The following DNAH6 variants were observed in gnomAD, a reference collection of about 807,000 sequenced individuals.
DNAH6 encodes the protein axonemal beta dynein heavy chain 6.
In DNAH6, 340 loss-of-function variants were observed where a neutral mutation model predicts 491.4. That is an observed-to-expected ratio of 0.69 (90% CI 0.63 to 0.76). DNAH6 has a LOEUF of 0.76. Ranked by LOEUF, DNAH6 falls within the 30% of genes least tolerant of loss-of-function variation. The probability of loss-of-function intolerance (pLI) is 0.00; values close to 1 mark genes in which losing one functional copy is unlikely to be tolerated. For synonymous variants in DNAH6, 1,603 were observed against 1,686.1 expected (o/e 0.95, Z 1.21); for missense variants, 4,443 against 4,972.2 (o/e 0.89, Z 3.20).
At chr2:84,750,742 A>T (rs1043071086) in intron 63 of DNAH6, 22 of 152,172 alleles carry the variant, frequency 1.4e-4, no homozygotes, top group African/African-American at 5.3e-4. Flanking sequence ...TCTTAGTCAC[A>T]TCCTTGAACA....
At chr2:84,777,743 C>T (rs528365535) in intron 64 of DNAH6, 22 of 862,322 alleles carry the variant, frequency 2.6e-5, no homozygotes, top group Admixed American at 5.1e-5. Context: ...GTAACGGAAT[C>T]GGGCTGAATC....
At chr2:84,729,689 C>G (rs1025693984) in intron 61 of DNAH6, among the ~76,000 whole-genome samples, 5 of 152,164 alleles carry the variant, frequency 3.3e-5, no homozygotes, top group African/African-American at 4.8e-5. Context: ...TTACCATCAT[C>G]AGAAACCTCT....
chr2:84,727,713 A>G lies in DNAH6; in HGVS notation c.10017A>G (p.Leu3339=), dbSNP rs1354885693. Residue 3339 remains leucine, a synonymous_variant, in exon 61 of 77, where the codon CTA becomes CTG. Transcript: ENST00000389394. The part of the protein sequence containing the change: ...TIETSVKTEN[L]QQRLDVLLEQ... ...AAACTTCTGTAAAGACAGAAAATCT[A>G]CAACAGCGCCTGGACGTACTACTAG... 1.5e-5 allele frequency: 23 copies of G among 1,551,490 alleles called. No individual in the cohort carries two copies. The highest frequency in any genetic ancestry group is 2.7e-5 in the African/African-American group (2 of 73,062).
intron 73 of DNAH6, 29 bp from the exon 74 acceptor site, chr2:84,813,029 C>T (rs747753761): frequency 1.9e-5 from 29 of 1,524,112 alleles, no homozygotes; most frequent in South Asian, 9.6e-5. Flanking sequence ...CCAGAAATAA[C>T]GTTTATTATG....
chr2:84,619,938 G>T, intron 24 of DNAH6, 34 bp downstream of exon 24: 1 of 1,506,968 alleles, frequency 6.6e-7, no homozygotes, highest in Non-Finnish European at 9.0e-7. Context: ...CTTTATTGAT[G>T]AACTTTGCTA....
At chr2:84,615,263 T>G (rs1354444767) in intron 22 of DNAH6, among the ~76,000 whole-genome samples, 13 of 152,180 alleles carry the variant, frequency 8.5e-5, no homozygotes, top group Admixed American at 8.5e-4. Flanking sequence ...GCTTGCCAGT[T>G]ATCCCAGCAC....
chr2:84,792,206 T>G (rs986015425), intron 68 of DNAH6, among the ~76,000 whole-genome samples: 2 of 152,112 alleles, frequency 1.3e-5, no homozygotes, highest in African/African-American at 2.4e-5. Context: ...AAGAGAATGG[T>G]GGGTATCACA....
At chr2:84,768,536 T>C (rs1328302648) in intron 64 of DNAH6, among the ~76,000 whole-genome samples, 2 of 151,994 alleles carry the variant, frequency 1.3e-5, no homozygotes, top group Non-Finnish European at 2.9e-5. Flanking sequence ...CATTTCTGAA[T>C]AGTCCAATAA....
chr2:84,626,609 T>C (rs1208497613), intron 29 of DNAH6, among the ~76,000 whole-genome samples: 1 of 152,196 alleles, frequency 6.6e-6, no homozygotes, highest in African/African-American at 2.4e-5. Context: ...TTTTTCTCTT[T>C]TTTTATTTTT....
intron 17 of DNAH6, among the ~76,000 whole-genome samples, chr2:84,594,518 T>C (rs775291572): frequency 6.6e-6 from 1 of 152,218 alleles, no homozygotes; most frequent in Non-Finnish European, 1.5e-5. Context: ...GGATCTTCCT[T>C]TGAGAGCTCA....
chr2:84,573,468 A>G lies in DNAH6; in HGVS notation c.1805A>G (p.Glu602Gly), dbSNP rs1682098699. Residue 602 changes from glutamate to glycine, a missense_variant and splice_region_variant, in exon 12 of 77, where the codon GAA (glutamate) becomes GGA (glycine). By Grantham distance (98) the Glu-to-Gly change is moderately conservative. Coordinates refer to ENST00000389394, the MANE Select transcript of DNAH6 (RefSeq NM_001370.2). ...TGTCTGCTTATTTATAACATTTAGGAAACCATTCAGGCCGCATTTGAATCA... is the reference window on the plus strand; with the variant it reads ...TGTCTGCTTATTTATAACATTTAGGGAACCATTCAGGCCGCATTTGAATCA... ...NFHTIISQIK[E>G]TIQAAFESAR... The G allele has an allele frequency of 6.3e-7, 1 of 1,578,314 alleles. No homozygotes were observed. Among genetic ancestry groups the G allele is most frequent in the South Asian group, 1.2e-5 (1 of 83,598 alleles).
intron 1 of DNAH6, among the ~76,000 whole-genome samples, chr2:84,517,458 A>G (rs1342084458): frequency 6.6e-6 from 1 of 152,186 alleles, no homozygotes; most frequent in Non-Finnish European, 1.5e-5. Context: ...CAAGTTCCGC[A>G]GGAGATGAGA....
chr2:84,701,029 T>C (rs1695851933), intron 48 of DNAH6, 68 bp from the exon 49 acceptor site: 4 of 1,499,456 alleles, frequency 2.7e-6, no homozygotes, highest in South Asian at 2.6e-5. Flanking sequence ...AATATGTTTT[T>C]CTTGGTATTA....
Position 84,813,126 on chromosome 2 carries a change from A to G in DNAH6, c.11994A>G (p.Leu3998=), listed in dbSNP as rs1680158387. The change falls in exon 74 of 77, where the codon CTA becomes CTG. Residue 3998 remains leucine, a synonymous_variant. Coordinates refer to ENST00000389394, the MANE Select transcript of DNAH6 (RefSeq NM_001370.2). ...ISGFFFPQGF[L]TGTLQNHARK... ...GTTTCTTCTTTCCTCAAGGATTTCT[A>G]ACAGGTACCAGCGCTTTCTAGAAAA... The G allele has an allele frequency of 4.5e-6, 7 of 1,551,224 alleles. No homozygotes were observed. The highest frequency in any genetic ancestry group is 6.1e-6 in the Non-Finnish European group (7 of 1,146,548).
intron 62 of DNAH6, among the ~76,000 whole-genome samples, chr2:84,743,608 G>A (rs772560242): frequency 3.6e-4 from 55 of 152,258 alleles, no homozygotes; most frequent in Admixed American, 2.0e-4. Context: ...GATTGCCTGA[G>A]CTCAGGAGTT....
chr2:84,765,976 A>G (rs1489747066), intron 64 of DNAH6, among the ~76,000 whole-genome samples: 1 of 152,146 alleles, frequency 6.6e-6, no homozygotes, highest in African/African-American at 2.4e-5. Context: ...AAGGATTAAA[A>G]GGAAAACTAC....
intron 33 of DNAH6, among the ~76,000 whole-genome samples, chr2:84,646,941 G>C (rs1309009491): frequency 6.6e-6 from 1 of 152,060 alleles, no homozygotes; most frequent in Non-Finnish European, 1.5e-5. Flanking sequence ...TCTGCCTCCC[G>C]GGTTCAAGCA....
chr2:84,496,472 T>G, the DNAH6 span, among the ~76,000 whole-genome samples: 1 of 152,224 alleles, frequency 6.6e-6, no homozygotes, highest in East Asian at 1.9e-4. Flanking sequence ...ATACTTAATG[T>G]AACTTTAAAA....
the DNAH6 span, among the ~76,000 whole-genome samples, chr2:84,483,349 C>T: frequency 6.6e-6 from 1 of 152,174 alleles, no homozygotes; most frequent in African/African-American, 2.4e-5. Flanking sequence ...ACCAGTAGCT[C>T]TCAGGATTTT....
Sources: gnomAD v4.1 joint callset for allele counts (sites outside exome capture counted in the v4.1 genomes callset) on GRCh38, gnomAD v4.1.1 for gene constraint, MANE v1.5 for transcripts, NCBI Gene and HGNC (gene_info 2026-07-23, HGNC 2026-07-21) for gene names.